Variants in ACSM3 observed in about 807,000 individuals in gnomAD.
ACSM3 encodes acyl-coenzyme A synthetase ACSM3, mitochondrial.
Under a neutral mutation model 74.1 loss-of-function variants are expected in ACSM3, and 61 were observed. That is an observed-to-expected ratio of 0.82 (90% CI 0.67 to 1.02). The LOEUF is 1.02. ACSM3 is among the 50% of genes least tolerant of loss of function. ACSM3 has a pLI of 0.00. For missense variants in ACSM3, 660 were observed against 697.0 expected (o/e 0.95, Z 0.60); for synonymous variants, 213 against 241.5 (o/e 0.88, Z 1.09).
At chr16:20,674,751 C>G (rs111414170) in exon 1 of ACSM3, 1 of 152,282 alleles carries the variant, frequency 6.6e-6, no homozygotes, top group Non-Finnish European at 1.5e-5. Context: ...TGGCTCTCCC[C>G]GCATCCTGCC....
upstream of ACSM3, among the ~76,000 whole-genome samples, chr16:20,759,154 C>T (rs146899919): frequency 4.6e-5 from 7 of 152,300 alleles, no homozygotes; most frequent in South Asian, 6.2e-4. Flanking sequence ...CCCACCACCA[C>T]GCCACTTCCC....
In ACSM3 at chr16:20,685,397, TG is replaced by T; in HGVS notation, c.-190+10576del. ...CAAAAAGCTGGATTTGGACCTCTCT[TG>T]CCCTCCTGGTCAAGACCATATATTA... On this transcript the variant is annotated intron_variant, in intron 1 of 3. Coordinates refer to the ACSM3 transcript ENST00000561584. 3 of 1,614,198 alleles carry T rather than the reference TG, an allele frequency of 1.9e-6. No homozygotes were observed. In the South Asian group the frequency reaches 3.3e-5, roughly 18 times the overall value.
chr16:20,717,956 G>GGAGGAAGAA (rs2079769278), intron 1 of ACSM3, among the ~76,000 whole-genome samples: 1 of 74,418 alleles, frequency 1.3e-5, no homozygotes, highest in Admixed American at 1.7e-4. Context: ...AAGAGGAAGA[G>GGAGGAAGAA]GAAGAAGAAG....
At chr16:20,732,566 T>G (rs527357571) in intron 1 of ACSM3, among the ~76,000 whole-genome samples, 2 of 152,280 alleles carry the variant, frequency 1.3e-5, no homozygotes, top group East Asian at 3.9e-4. Flanking sequence ...AGACAAGAAC[T>G]AAGTGTTCTT....
upstream of ACSM3, among the ~76,000 whole-genome samples, chr16:20,762,131 C>T (rs1371389378): frequency 2.6e-5 from 4 of 152,174 alleles, no homozygotes; most frequent in East Asian, 5.8e-4. Flanking sequence ...CTCACTCCTG[C>T]TCAAAAACTT....
rs1192728136 is a variant in ACSM3, at chr16:20,777,391, G to A, written c.449G>A (p.Gly150Glu). The change falls in exon 4 of 14, where the codon GGA becomes GAA. Residue 150 changes from glycine (G) to glutamate (E), a missense_variant. Coordinates refer to ENST00000289416, the MANE Select transcript of ACSM3 (RefSeq NM_005622.4). The stretch of plus-strand genomic sequence containing the variant: ...CCTTTAGGGACAGTTTTAATTCCAG[G>A]AACCACTCAGCTGACCCAGAAAGAC... ...CLRTGTVLIP[G>E]TTQLTQKDIL... is the part of the protein sequence containing the mutation. 1.2e-6 allele frequency: 2 copies of A among 1,613,706 alleles called. No homozygotes were observed. Among genetic ancestry groups the A allele is most frequent in the African/African-American group, 1.3e-5 (1 of 74,990 alleles).
At chr16:20,795,712 C>T (rs1473149162) in intron 12 of ACSM3, among the ~76,000 whole-genome samples, 1 of 152,130 alleles carries the variant, frequency 6.6e-6, no homozygotes, top group African/African-American at 2.4e-5. Flanking sequence ...AGTTGATGCA[C>T]CTAGACTCAT....
intron 1 of ACSM3, chr16:20,737,350 A>C (rs1261466538): frequency 6.7e-7 from 1 of 1,490,360 alleles, no homozygotes; most frequent in East Asian, 2.3e-5. Context: ...AGATACAAAA[A>C]ATCTTTTGTC....
intron 4 of ACSM3, among the ~76,000 whole-genome samples, chr16:20,779,073 TTAAGA>T (rs1191061907): frequency 1.3e-5 from 2 of 152,010 alleles, no homozygotes; most frequent in Non-Finnish European, 2.9e-5. Context: ...TTTTAATTAA[TTAAGA>T]TAATTATGAA....
At chr16:20,727,479 G>T in intron 1 of ACSM3, 1 of 422,590 alleles carries the variant, frequency 2.4e-6, no homozygotes, top group Non-Finnish European at 4.6e-6. Context: ...ATATTTAAAG[G>T]GCAACATTTA....
At chr16:20,791,165 C>T (rs1312380498) in intron 10 of ACSM3, among the ~76,000 whole-genome samples, 1 of 152,190 alleles carries the variant, frequency 6.6e-6, no homozygotes, top group African/African-American at 2.4e-5. Context: ...AGAGCAAAGT[C>T]TCTATCATAT....
chr16:20,726,924 A>T (rs1388779088), intron 1 of ACSM3, among the ~76,000 whole-genome samples: 1 of 152,218 alleles, frequency 6.6e-6, no homozygotes, highest in Non-Finnish European at 1.5e-5. Context: ...AAACTCTCTG[A>T]GCCTCAATGT....
rs766446547 is a variant in ACSM3, at chr16:20,770,053, A to G, written c.19A>G (p.Arg7Gly). Reference sequence around the variant, plus strand: ...AAGACTGATGCTAGCTCGTGTCACCAGGAAGATGCTACGTCATGCCAAGTG... The same window carrying G: ...AAGACTGATGCTAGCTCGTGTCACCGGGAAGATGCTACGTCATGCCAAGTG... MLARVT[R>G]KMLRHAKCFQ... The change falls in exon 2 of 14, where the codon AGG (arginine) becomes GGG (glycine). Residue 7 changes from arginine (R) to glycine (G), a missense_variant. Physicochemically the swap from Arg to Gly is moderately radical, Grantham distance 125 (BLOSUM62 -2). Coordinates refer to ENST00000289416, the MANE Select transcript of ACSM3 (RefSeq NM_005622.4). 4 of 1,614,086 alleles carry G rather than the reference A, an allele frequency of 2.5e-6. No homozygotes were observed. In the African/African-American group the frequency reaches 5.3e-5, roughly 22 times the overall value.
At chr16:20,771,357 G>T (rs925709374) in intron 2 of ACSM3, among the ~76,000 whole-genome samples, 1 of 138,280 alleles carries the variant, frequency 7.2e-6, no homozygotes, top group East Asian at 2.2e-4. Flanking sequence ...CACCCACCAC[G>T]CCAGGCCGAG....
chr16:20,769,975 G>T lies in ACSM3; in HGVS notation c.-51-9G>T. 2.7e-5 allele frequency: 42 copies of T among 1,548,552 alleles called. No homozygotes were observed. Among genetic ancestry groups the T allele is most frequent in the Admixed American group, 2.1e-4 (12 of 57,018 alleles). On this transcript the variant is annotated splice_polypyrimidine_tract_variant and intron_variant, in intron 1 of 13. Coordinates refer to ENST00000289416, the MANE Select transcript of ACSM3 (RefSeq NM_005622.4). ...AAACAAATATATGTCCTTTTTGCTT[G>T]TCTTTTAGATGAACTGGTCTCTGTG...
intron 1 of ACSM3, among the ~76,000 whole-genome samples, chr16:20,713,633 CCACTTCA>C (rs1489524651): frequency 6.6e-6 from 1 of 152,148 alleles, no homozygotes; most frequent in African/African-American, 2.4e-5. Flanking sequence ...GCAAGCACTT[CCACTTCA>C]GAGACTCCTG....
At chr16:20,737,955 C>A (rs368769699) in intron 1 of ACSM3, 1 of 1,569,104 alleles carries the variant, frequency 6.4e-7, no homozygotes, top group South Asian at 1.2e-5. Flanking sequence ...ATTTCTCAGG[C>A]TCTTAAGAAA....
chr16:20,710,330 T>G (rs1165164853), intron 1 of ACSM3, among the ~76,000 whole-genome samples: 1 of 152,198 alleles, frequency 6.6e-6, no homozygotes, highest in Non-Finnish European at 1.5e-5. Context: ...CTAGGCATTT[T>G]GGGTTGTATA....
intron 1 of ACSM3, among the ~76,000 whole-genome samples, chr16:20,704,527 T>C (rs146491617): frequency 2.4e-4 from 36 of 152,310 alleles, no homozygotes; most frequent in African/African-American, 5.8e-4. Context: ...AGAGTCAACA[T>C]GTCAGAATTC....
Sources: allele counts gnomAD v4.1 joint callset (sites outside exome capture counted in the v4.1 genomes callset), GRCh38; gene constraint gnomAD v4.1.1; transcripts MANE v1.5; gene names NCBI Gene and HGNC (gene_info 2026-07-23, HGNC 2026-07-21).